Variants in SLC25A26 observed in about 807,000 individuals in gnomAD.
SLC25A26 encodes mitochondrial S-adenosylmethionine carrier protein.
Under a neutral mutation model 37.8 loss-of-function variants are expected in SLC25A26, and 36 were observed. That is an observed-to-expected ratio of 0.95 (90% CI 0.73 to 1.26). SLC25A26 has a LOEUF of 1.26. Among genes scored for constraint, SLC25A26 ranks in the 50% most tolerant of loss-of-function variants. The pLI is 0.00. For synonymous variants in SLC25A26, 129 were observed against 122.5 expected, an observed-to-expected ratio of 1.05 and a Z score of -0.35; for missense variants, 390 against 331.1, an observed-to-expected ratio of 1.18 and a Z score of -1.38.
chr3:66,197,405 G>A (rs2071059693), intron 1 of SLC25A26, among the ~76,000 whole-genome samples: 1 of 152,278 alleles, frequency 6.6e-6, no homozygotes, highest in East Asian at 1.9e-4. Context: ...TCAGCATCAA[G>A]TGGAGTGTTA....
intron 1 of SLC25A26, among the ~76,000 whole-genome samples, chr3:66,215,526 T>G (rs1466317461): frequency 6.6e-6 from 1 of 152,210 alleles, no homozygotes; most frequent in Non-Finnish European, 1.5e-5. Context: ...TGTAACCGTT[T>G]TAGGAGGCAA....
chr3:66,196,931 A>G (rs1379205795), intron 1 of SLC25A26, among the ~76,000 whole-genome samples: 1 of 152,186 alleles, frequency 6.6e-6, no homozygotes, highest in East Asian at 1.9e-4. Context: ...ATACAAGCAT[A>G]TATGTATTAT....
intron 1 of SLC25A26, among the ~76,000 whole-genome samples, chr3:66,185,107 C>A (rs1001190755): frequency 8.9e-4 from 136 of 152,280 alleles, no homozygotes; most frequent in South Asian, 3.7e-3. Flanking sequence ...CGTTAAATAA[C>A]AACTCCCTCT....
chr3:66,197,502 C>G (rs2071060759), intron 1 of SLC25A26, among the ~76,000 whole-genome samples: 1 of 152,040 alleles, frequency 6.6e-6, no homozygotes, highest in Non-Finnish European at 1.5e-5. Context: ...TAGAAAAGAT[C>G]AGGGATGGGG....
intron 1 of SLC25A26, among the ~76,000 whole-genome samples, chr3:66,185,230 C>T (rs1221472807): frequency 2.0e-5 from 3 of 152,188 alleles, no homozygotes; most frequent in Non-Finnish European, 4.4e-5. Context: ...GTGACTGGAT[C>T]ATTTCACTTA....
intron 5 of SLC25A26, among the ~76,000 whole-genome samples, chr3:66,336,159 A>G (rs2076088821): frequency 6.6e-6 from 1 of 152,222 alleles, no homozygotes; most frequent in Admixed American, 6.5e-5. Flanking sequence ...GAAACCATCA[A>G]TTAAAACATC....
intron 5 of SLC25A26, among the ~76,000 whole-genome samples, chr3:66,299,021 A>C (rs2074991951): frequency 6.6e-6 from 1 of 152,148 alleles, no homozygotes; most frequent in Non-Finnish European, 1.5e-5. Context: ...AACTAACTTT[A>C]TTTTGTTGAA....
intron 5 of SLC25A26, among the ~76,000 whole-genome samples, chr3:66,333,399 TCATGAGCCATTCTTTC>T (rs1184335608): frequency 1.3e-5 from 2 of 152,226 alleles, no homozygotes; most frequent in African/African-American, 4.8e-5. Context: ...TGGATCTTCG[TCATGAGCCATTCTTTC>T]CTTCATTTAA....
Position 66,262,371 on chromosome 3 carries a change from G to C in SLC25A26, c.405+216G>C, listed in dbSNP as rs986036223. On this transcript the variant is annotated intron_variant, in intron 4 of 9. Transcript: ENST00000354883. ...TTCAAATTTCTGAGCATAACATTGA[G>C]TGTCCTGAATTGTAATCTTCCTGCA... is the stretch of plus-strand genomic sequence containing the variant. Among the ~76,000 whole-genome samples the C allele has an allele frequency of 2.6e-5, 4 of 152,152 alleles. No individual in the cohort carries two copies. In the East Asian group the frequency reaches 5.8e-4, roughly 22 times the overall value.
chr3:66,215,271 G>A (rs927984558), intron 1 of SLC25A26, among the ~76,000 whole-genome samples: 5 of 152,096 alleles, frequency 3.3e-5, no homozygotes, highest in South Asian at 2.1e-4. Context: ...TCATGAATAC[G>A]GTTCACTACA....
chr3:66,149,385 C>G (rs1329632381), intron 1 of SLC25A26, among the ~76,000 whole-genome samples: 2 of 152,084 alleles, frequency 1.3e-5, no homozygotes, highest in Non-Finnish European at 1.5e-5. Context: ...ATTCAAGCAC[C>G]TGACCCTAGC....
At chr3:66,184,619 C>T (rs1038352679) in intron 1 of SLC25A26, among the ~76,000 whole-genome samples, 1 of 152,220 alleles carries the variant, frequency 6.6e-6, no homozygotes, top group Non-Finnish European at 1.5e-5. Flanking sequence ...ATTACATGCT[C>T]AACCAAATCC....
chr3:66,204,107 C>T (rs981074670), intron 1 of SLC25A26, among the ~76,000 whole-genome samples: 2 of 152,070 alleles, frequency 1.3e-5, no homozygotes, highest in Admixed American at 6.6e-5. Context: ...GCTGGACTTA[C>T]TTATAGGAGG....
intron 6 of SLC25A26, 51 bp downstream of exon 6, chr3:66,346,459 A>ATGTT: frequency 1.0e-6 from 1 of 1,003,626 alleles, no homozygotes; most frequent in Non-Finnish European, 1.4e-6. Context: ...TAACATACCT[A>ATGTT]ATAGTTTGAG....
At chr3:66,340,670 A>G (rs1405295561) in intron 5 of SLC25A26, among the ~76,000 whole-genome samples, 1 of 151,960 alleles carries the variant, frequency 6.6e-6, no homozygotes, top group Non-Finnish European at 1.5e-5. Context: ...AATATTGTTT[A>G]TGAACACTCT....
chr3:66,206,419 A>G (rs2106823068), intron 1 of SLC25A26, among the ~76,000 whole-genome samples: 1 of 152,318 alleles, frequency 6.6e-6, no homozygotes, highest in Non-Finnish European at 1.5e-5. Flanking sequence ...ACTGCCAAGT[A>G]CATAGACTGT....
chr3:66,289,935 T>G (rs2074648160), intron 5 of SLC25A26, among the ~76,000 whole-genome samples: 2 of 152,366 alleles, frequency 1.3e-5, no homozygotes, highest in South Asian at 2.1e-4. Flanking sequence ...CGTTAATGAT[T>G]CTTCTTATCC....
At chr3:66,364,024 A>AT (rs1323343884) in intron 7 of SLC25A26, among the ~76,000 whole-genome samples, 2 of 151,930 alleles carry the variant, frequency 1.3e-5, no homozygotes, top group East Asian at 3.9e-4. Flanking sequence ...AGAGATGTGC[A>AT]TTTTTGTAGA....
Position 66,275,859 on chromosome 3 carries a change from T to TA in SLC25A26, c.453+12480_453+12481insA, listed in dbSNP as rs543575400. Among the ~76,000 whole-genome samples, 50 of 152,266 alleles carry TA rather than the reference T, an allele frequency of 3.3e-4. 2 individuals are homozygous for TA. In the South Asian group the frequency reaches 0.01, roughly 31 times the overall value. On this transcript the variant is annotated intron_variant, in intron 5 of 9. Coordinates refer to ENST00000354883, the MANE Select transcript of SLC25A26 (RefSeq NM_001379210.1). Reference sequence around the variant, plus strand: ...AAAATAATAAAACTTATGAAGAAGATCCTTCATTAGGTGTGTGCGAATTAT... The same window carrying TA: ...AAAATAATAAAACTTATGAAGAAGATACCTTCATTAGGTGTGTGCGAATTAT...
Sources: allele counts gnomAD v4.1 joint callset (sites outside exome capture counted in the v4.1 genomes callset), GRCh38; gene constraint gnomAD v4.1.1; transcripts MANE v1.5; gene names NCBI Gene and HGNC (gene_info 2026-07-23, HGNC 2026-07-21).